GPHN: variants seen among roughly 807,000 people sequenced by gnomAD.
The protein encoded by GPHN is gephyrin.
GPHN carries 17 observed loss-of-function variants against 95.5 expected under a neutral mutation model. The observed-to-expected ratio is 0.18, with a 90% CI of 0.12 to 0.27. GPHN has a LOEUF of 0.27. GPHN is among the 10% of genes least tolerant of loss of function. The pLI is 1.00. For synonymous variants in GPHN, 320 were observed against 322.5 expected (o/e 0.99, Z 0.08); for missense variants, 660 against 978.1 (o/e 0.67, Z 4.34).
At chr14:67,323,261 G>GTGTGTGTATATA in the GPHN span, among the ~76,000 whole-genome samples, 2 of 124,190 alleles carry the variant, frequency 1.6e-5, no homozygotes, top group African/African-American at 2.7e-5. Context: ...GTGTGTGTGT[G>GTGTGTGTATATA]TATATATATA....
Position 67,181,082 on chromosome 14 carries a change from T to A in GPHN, c.*145T>A. The A allele has an allele frequency of 4.0e-6, 3 of 755,114 alleles. No individual in the cohort carries two copies. Among genetic ancestry groups the A allele is most frequent in the Non-Finnish European group, 6.6e-6 (3 of 455,612 alleles). 46.8% of individuals were successfully genotyped at this position (755,114 alleles called of 1,614,324 possible). On this transcript the variant is annotated 3_prime_UTR_variant, in exon 23 of 23. Coordinates refer to ENST00000478722, the MANE Select transcript of GPHN (RefSeq NM_020806.5). ...TCTTGAACTATATTTCAAATGAATT[T>A]AAATATCTTTTAAAGAAAAAAACAC...
At chr14:67,200,032 G>C in the GPHN span, 6 of 930,288 alleles carry the variant, frequency 6.4e-6, no homozygotes, top group East Asian at 1.3e-4. Flanking sequence ...TCCCCATTCT[G>C]GACACCCAGG....
chr14:67,576,498 A>T, the GPHN span: 9 of 1,558,434 alleles, frequency 5.8e-6, no homozygotes, highest in Non-Finnish European at 7.1e-6. This position sits in a 1 kb window ranked among gnomAD's most constrained non-coding sequence, Gnocchi z 4.0. Context: ...GGTGAAGGAG[A>T]TCCAGGTAAG....
At chr14:67,375,253 TG>T in the GPHN span, among the ~76,000 whole-genome samples, 1 of 145,466 alleles carries the variant, frequency 6.9e-6, no homozygotes, top group East Asian at 2.2e-4. Flanking sequence ...TGTGTGTGTG[TG>T]TGTGTGTGTG....
At chr14:67,639,537 G>A in the GPHN span, among the ~76,000 whole-genome samples, 6 of 152,168 alleles carry the variant, frequency 3.9e-5, no homozygotes, top group East Asian at 1.2e-3. Flanking sequence ...CTTACATCTA[G>A]TAAGAACCTA....
chr14:66,797,205 T>C (rs1183701229), intron 3 of GPHN, among the ~76,000 whole-genome samples: 1 of 151,712 alleles, frequency 6.6e-6, no homozygotes, highest in Non-Finnish European at 1.5e-5. Flanking sequence ...TGTTTTTATG[T>C]CAGTATCATG....
chr14:67,123,036 C>T (rs1333736404), intron 17 of GPHN, among the ~76,000 whole-genome samples: 2 of 152,220 alleles, frequency 1.3e-5, no homozygotes, highest in Non-Finnish European at 1.5e-5. Flanking sequence ...TATCATGCAA[C>T]ACTGCTGCCT....
intron 1 of GPHN, among the ~76,000 whole-genome samples, chr14:66,607,484 T>C (rs1213538059): frequency 6.6e-6 from 1 of 152,028 alleles, no homozygotes; most frequent in African/African-American, 2.4e-5. Context: ...TGCCAGATTT[T>C]GGTATCAGGA....
the GPHN span, chr14:67,690,902 G>A: frequency 1.9e-6 from 1 of 518,616 alleles, no homozygotes; most frequent in Non-Finnish European, 3.4e-6. Context: ...AAACCAATTA[G>A]TCTGTTAAAA....
At chr14:67,200,120 G>A in the GPHN span, 25 of 1,066,516 alleles carry the variant, frequency 2.3e-5, no homozygotes, top group Admixed American at 4.0e-4. Flanking sequence ...ATGCCCCCCC[G>A]AAGGCCTCCA....
intron 9 of GPHN, among the ~76,000 whole-genome samples, chr14:66,989,221 A>C (rs898374039): frequency 6.6e-6 from 1 of 152,002 alleles, no homozygotes; most frequent in African/African-American, 2.4e-5. Context: ...ATCACTCCCC[A>C]AAACCTATTT....
chr14:67,565,220 T>C, the GPHN span, among the ~76,000 whole-genome samples: 1 of 151,862 alleles, frequency 6.6e-6, no homozygotes, highest in Non-Finnish European at 1.5e-5. Context: ...GGTCATGTAG[T>C]AGTTAGTGAG....
At chr14:67,430,775 G>T in the GPHN span, among the ~76,000 whole-genome samples, 1 of 152,114 alleles carries the variant, frequency 6.6e-6, no homozygotes, top group Non-Finnish European at 1.5e-5. Flanking sequence ...TCAGTAAGGG[G>T]CAGAGAGCTC....
At chr14:67,198,161 A>C in the GPHN span, 1 of 1,608,124 alleles carries the variant, frequency 6.2e-7, no homozygotes, top group South Asian at 1.1e-5. Context: ...GTGCAAGCGC[A>C]ATGAAGAAGA....
chr14:67,205,226 G>T, the GPHN span: 2 of 848,922 alleles, frequency 2.4e-6, no homozygotes, highest in Non-Finnish European at 3.5e-6. Context: ...AATTTTAATA[G>T]TGAGATTAAA....
chr14:67,320,971 A>G, the GPHN span: 1 of 1,094,434 alleles, frequency 9.1e-7, no homozygotes, highest in Admixed American at 1.9e-5. Flanking sequence ...GTGTTACAAA[A>G]TAGAAATTCT....
intron 1 of GPHN, among the ~76,000 whole-genome samples, chr14:66,518,209 A>G (rs2058331851): frequency 6.6e-6 from 1 of 152,122 alleles, no homozygotes; most frequent in African/African-American, 2.4e-5. Flanking sequence ...AAGAAGACAT[A>G]CAAATGGCCA....
chr14:67,364,670 C>A, the GPHN span: 32 of 1,257,652 alleles, frequency 2.5e-5, no homozygotes, highest in Non-Finnish European at 3.1e-5. Flanking sequence ...CTATTTTTTT[C>A]TTCATCTTTT....
At chr14:66,572,615 A>G (rs775245032) in intron 1 of GPHN, among the ~76,000 whole-genome samples, 3 of 150,604 alleles carry the variant, frequency 2.0e-5, no homozygotes, top group Non-Finnish European at 4.4e-5. Flanking sequence ...GTGGTTTTGG[A>G]TCTTAAAACT....
Sources: gnomAD v4.1 joint callset for allele counts (sites outside exome capture counted in the v4.1 genomes callset) on GRCh38, gnomAD v4.1.1 for gene constraint, Gnocchi (gnomAD v3.1) non-coding constraint, MANE v1.5 for transcripts, NCBI Gene and HGNC (gene_info 2026-07-23, HGNC 2026-07-21) for gene names.